Variants in RAB28 observed in about 807,000 individuals in gnomAD.
RAB28 encodes the protein ras-related protein Rab-28.
A neutral mutation model predicts 31.7 loss-of-function variants in RAB28; 24 were observed. The observed-to-expected ratio is 0.76, with a 90% confidence interval of 0.55 to 1.06. The LOEUF is 1.06. Among genes scored for constraint, RAB28 ranks in the 50% least tolerant of loss-of-function variants. The pLI is 0.00. For missense variants in RAB28, 254 were observed against 258.5 expected, an observed-to-expected ratio of 0.98 and a Z score of 0.12; for synonymous variants, 100 against 90.4, an observed-to-expected ratio of 1.11 and a Z score of -0.60.
intron 4 of RAB28, among the ~76,000 whole-genome samples, chr4:13,395,524 C>T (rs983049042): frequency 6.6e-6 from 1 of 152,142 alleles, no homozygotes; most frequent in African/African-American, 2.4e-5. Flanking sequence ...ATACAAACAG[C>T]CAAGTATACA....
chr4:13,474,442 C>A (rs753629468), intron 2 of RAB28, 36 bp from the exon 3 acceptor site: 1 of 1,266,042 alleles, frequency 7.9e-7, no homozygotes, highest in Admixed American at 2.0e-5. Flanking sequence ...AATAAGAATA[C>A]CAAAAAAATT....
At chr4:13,396,195 A>C (rs111316740) in intron 4 of RAB28, among the ~76,000 whole-genome samples, 3 of 152,068 alleles carry the variant, frequency 2.0e-5, no homozygotes, top group African/African-American at 7.2e-5. Flanking sequence ...AAATATAAAT[A>C]TAGCACTTGT....
At chr4:13,409,229 G>GA in intron 4 of RAB28, among the ~76,000 whole-genome samples, 1 of 152,178 alleles carries the variant, frequency 6.6e-6, no homozygotes, top group Non-Finnish European at 1.5e-5. Context: ...AAATAATCAT[G>GA]AAAAAACAAG....
chr4:13,368,784 T>G, intron 6 of RAB28, 134 bp from the exon 7 acceptor site: 1 of 703,944 alleles, frequency 1.4e-6, no homozygotes, highest in Non-Finnish European at 2.1e-6. Flanking sequence ...GGAGTTGATA[T>G]TAAAAGAATA....
intron 4 of RAB28, among the ~76,000 whole-genome samples, chr4:13,439,996 T>C (rs1172562618): frequency 6.6e-6 from 1 of 152,198 alleles, no homozygotes; most frequent in Non-Finnish European, 1.5e-5. Context: ...TTATTCATAA[T>C]ACAGAACACA....
At chr4:13,454,437 G>A (rs1354329976) in intron 4 of RAB28, among the ~76,000 whole-genome samples, 1 of 152,116 alleles carries the variant, frequency 6.6e-6, no homozygotes, top group Non-Finnish European at 1.5e-5. Flanking sequence ...TGATTTCTAT[G>A]CATCTGGTAG....
chr4:13,468,538 T>A (rs560916820), intron 3 of RAB28, among the ~76,000 whole-genome samples: 1 of 151,128 alleles, frequency 6.6e-6, no homozygotes. Flanking sequence ...AAAAAACATA[T>A]GCAACCTACC....
chr4:13,377,368 GAATA>G (rs943151492), intron 5 of RAB28, among the ~76,000 whole-genome samples: 1 of 151,994 alleles, frequency 6.6e-6, no homozygotes, highest in African/African-American at 2.4e-5. Context: ...CATGCTTATA[GAATA>G]TTTATCAAAA....
At chr4:13,395,028 C>T (rs1304134308) in intron 4 of RAB28, among the ~76,000 whole-genome samples, 1 of 152,068 alleles carries the variant, frequency 6.6e-6, no homozygotes, top group Non-Finnish European at 1.5e-5. Context: ...ATTAGTAGCA[C>T]CAGAATTAGA....
At chr4:13,415,649 C>T (rs886886411) in intron 4 of RAB28, among the ~76,000 whole-genome samples, 3 of 152,152 alleles carry the variant, frequency 2.0e-5, no homozygotes, top group African/African-American at 7.2e-5. Flanking sequence ...CCTGAGCCTC[C>T]CCCGCCCCCT....
intron 4 of RAB28, among the ~76,000 whole-genome samples, chr4:13,423,263 CA>C (rs1713273401): frequency 6.6e-6 from 1 of 152,084 alleles, no homozygotes; most frequent in African/African-American, 2.4e-5. Context: ...AGGCCAGGCG[CA>C]GTGGCTCACG....
At chr4:13,407,976 C>G (rs1712201256) in intron 4 of RAB28, among the ~76,000 whole-genome samples, 1 of 152,192 alleles carries the variant, frequency 6.6e-6, no homozygotes, top group African/African-American at 2.4e-5. Flanking sequence ...GACAATTCGA[C>G]TTCTCTTCCT....
chr4:13,393,513 A>G (rs1729737233), intron 4 of RAB28, among the ~76,000 whole-genome samples: 1 of 152,192 alleles, frequency 6.6e-6, no homozygotes. Context: ...CAGGTGACAT[A>G]TATCAGCAAA....
At chr4:13,460,143 C>G (rs181079003) in intron 4 of RAB28, among the ~76,000 whole-genome samples, 30 of 152,188 alleles carry the variant, frequency 2.0e-4, no homozygotes, top group Non-Finnish European at 2.8e-4. Context: ...ACAGGATAGG[C>G]AAATGTCTCA....
intron 4 of RAB28, among the ~76,000 whole-genome samples, chr4:13,454,432 T>C (rs556337955): frequency 6.6e-6 from 1 of 152,310 alleles, no homozygotes; most frequent in South Asian, 2.1e-4. Flanking sequence ...TATGTTGATT[T>C]CTATGCATCT....
chr4:13,474,095 C>T (rs368846421), intron 3 of RAB28: 14 of 681,088 alleles, frequency 2.1e-5, no homozygotes, highest in Middle Eastern at 2.5e-4. Flanking sequence ...AAATAACATA[C>T]GAAAGCTGTT....
intron 4 of RAB28, among the ~76,000 whole-genome samples, chr4:13,444,126 C>A (rs1389674383): frequency 6.6e-6 from 1 of 151,484 alleles, no homozygotes; most frequent in East Asian, 1.9e-4. Context: ...CTCCCGGGTT[C>A]ACGCCATTCT....
intron 4 of RAB28, chr4:13,459,861 C>CAA: frequency 7.8e-7 from 1 of 1,288,904 alleles, no homozygotes; most frequent in Non-Finnish European, 1.0e-6. Context: ...GCTGAAACTG[C>CAA]AATGCAATAT....
rs537065108 is a variant in RAB28, at chr4:13,469,996, G to C, written c.261+4322C>G. 4.6e-5 allele frequency among the ~76,000 whole-genome samples: 7 copies of C among 152,130 alleles called. No individual in the cohort carries two copies. The South Asian group carries it at 1.4e-3, about 31-fold the overall frequency. ...ATGACCCAATGGCCTGGACTTGACA[G>C]AAGTTTTGAAAGAACAAACACTGGT... On this transcript the variant is annotated intron_variant, in intron 3 of 6. Coordinates refer to ENST00000330852, the MANE Select transcript of RAB28 (RefSeq NM_001017979.3).
Sources: gnomAD v4.1 joint callset for allele counts (sites outside exome capture counted in the v4.1 genomes callset) on GRCh38, gnomAD v4.1.1 for gene constraint, MANE v1.5 for transcripts, NCBI Gene and HGNC (gene_info 2026-07-23, HGNC 2026-07-21) for gene names.